The following TNIK variants were observed in gnomAD, a reference collection of about 807,000 sequenced individuals.
TNIK encodes TRAF2 and NCK-interacting protein kinase.
In TNIK, 49 loss-of-function variants were observed where a neutral mutation model predicts 191.3. The ratio of observed to expected loss-of-function variants is 0.26; its 90% CI spans 0.20 to 0.32. TNIK has a LOEUF of 0.32. Ranked by LOEUF, TNIK falls within the 10% of genes least tolerant of loss-of-function variation. TNIK has a pLI of 1.00. For synonymous variants in TNIK, 594 were observed against 600.9 expected (o/e 0.99, Z 0.17); for missense variants, 1,155 against 1,702.3 (o/e 0.68, Z 5.66).
At chr3:171,139,322 A>C (rs548294296) in intron 14 of TNIK, 148 bp downstream of exon 14, 2 of 669,344 alleles carry the variant, frequency 3.0e-6, no homozygotes, top group Non-Finnish European at 5.2e-6. Context: ...GAGGTCCCTG[A>C]GGCTTAGAAG....
intron 1 of TNIK, among the ~76,000 whole-genome samples, chr3:171,391,151 C>T (rs1719457523): frequency 6.6e-6 from 1 of 152,194 alleles, no homozygotes; most frequent in African/African-American, 2.4e-5. Context: ...ATTTATCTCA[C>T]ATAAATCACC....
chr3:171,452,516 G>A (rs1728286275), intron 1 of TNIK, among the ~76,000 whole-genome samples: 1 of 151,878 alleles, frequency 6.6e-6, no homozygotes, highest in Non-Finnish European at 1.5e-5. Flanking sequence ...TATGACGCTG[G>A]GCTCTAACTC....
intron 7 of TNIK, among the ~76,000 whole-genome samples, chr3:171,188,112 C>T (rs1737593976): frequency 6.6e-6 from 1 of 152,320 alleles, no homozygotes; most frequent in South Asian, 2.1e-4. Flanking sequence ...TTGAACACAG[C>T]TTTGAATGTA....
At chr3:171,396,627 A>G (rs1189665322) in intron 1 of TNIK, among the ~76,000 whole-genome samples, 1 of 152,156 alleles carries the variant, frequency 6.6e-6, no homozygotes, top group African/African-American at 2.4e-5. Flanking sequence ...CAGGCCCTCA[A>G]TGCCAGTGAA....
intron 2 of TNIK, among the ~76,000 whole-genome samples, chr3:171,325,764 C>G (rs1017945088): frequency 6.6e-6 from 1 of 152,202 alleles, no homozygotes; most frequent in Non-Finnish European, 1.5e-5. Context: ...GAGGACCACT[C>G]TGGAAAGGGT....
chr3:171,394,026 G>A (rs1224712736), intron 1 of TNIK, among the ~76,000 whole-genome samples: 1 of 152,134 alleles, frequency 6.6e-6, no homozygotes, highest in Non-Finnish European at 1.5e-5. Context: ...CACATGCCAT[G>A]GACGAAATGC....
rs189480673 is a variant in TNIK at position 171,398,102 on chromosome 3, C to T, written c.58-28417G>A. ...TTTATGTTGGCCAAAACACAATTTT[C>T]CCATTTACTGATTCTTTTCACACCA... On this transcript the variant is annotated intron_variant, in intron 1 of 32. Coordinates refer to ENST00000436636, the MANE Select transcript of TNIK (RefSeq NM_015028.4). 5.9e-5 allele frequency among the ~76,000 whole-genome samples: 9 copies of T among 152,316 alleles called. No individual in the cohort carries two copies. In the East Asian group the frequency reaches 7.7e-4, roughly 13 times the overall value.
In TNIK at chr3:171,071,311, C is replaced by T; in HGVS notation, c.3461G>A (p.Arg1154Lys). Residue 1154 changes from arginine to lysine, a missense_variant, in exon 29 of 33, where the codon AGG (arginine) becomes AAG (lysine). Arg to Lys is a conservative substitution (Grantham distance 26). This residue lies in a region of TNIK where 195 missense variants were observed against 415.4 expected (regional missense o/e 0.47). Coordinates refer to ENST00000436636, the MANE Select transcript of TNIK (RefSeq NM_015028.4). ...CIHYKVVKYE[R>K]IKFLVIALKN... ...TAAGGCAATCACCAAAAATTTGATC[C>T]TTTCATATTTAACTGTAATAGAAAA... 1.9e-6 allele frequency: 3 copies of T among 1,590,852 alleles called. No homozygotes were observed. Among genetic ancestry groups the T allele is most frequent in the Non-Finnish European group, 2.6e-6 (3 of 1,168,572 alleles).
At chr3:171,188,579 AAAT>A in intron 7 of TNIK, 120 bp downstream of exon 7, 1 of 1,281,298 alleles carries the variant, frequency 7.8e-7, no homozygotes, top group Admixed American at 2.7e-5. Flanking sequence ...TCTTAAACTC[AAAT>A]AATGTTTTTC....
intron 2 of TNIK, among the ~76,000 whole-genome samples, chr3:171,277,944 G>A (rs371987884): frequency 9.9e-5 from 15 of 152,270 alleles, no homozygotes; most frequent in Admixed American, 2.6e-4. Context: ...TGGCAGGATC[G>A]CTTGAGCCCA....
chr3:171,077,522 G>T (rs562034279), intron 28 of TNIK, among the ~76,000 whole-genome samples: 25 of 152,290 alleles, frequency 1.6e-4, no homozygotes, highest in Non-Finnish European at 2.9e-4. Flanking sequence ...GAGTCTTCCT[G>T]CTTGGTTGAG....
chr3:171,079,251 T>G (rs1720375091), intron 28 of TNIK, among the ~76,000 whole-genome samples: 1 of 152,254 alleles, frequency 6.6e-6, no homozygotes, highest in African/African-American at 2.4e-5. Context: ...ATGGCATTTT[T>G]ATTCTTTTCT....
At chr3:171,314,268 C>CTA (rs2108310522) in intron 2 of TNIK, among the ~76,000 whole-genome samples, 1 of 152,286 alleles carries the variant, frequency 6.6e-6, no homozygotes, top group Admixed American at 6.5e-5. Context: ...CCTTATCCCT[C>CTA]TATACTCAGA....
chr3:171,338,423 T>C (rs540805101), intron 2 of TNIK, among the ~76,000 whole-genome samples: 28 of 152,336 alleles, frequency 1.8e-4, no homozygotes, highest in African/African-American at 6.7e-4. Flanking sequence ...CATTAAACAT[T>C]ACTTTTATTA....
chr3:171,193,641 A>G (rs958921987), intron 5 of TNIK, among the ~76,000 whole-genome samples: 4 of 152,166 alleles, frequency 2.6e-5, no homozygotes, highest in African/African-American at 9.7e-5. Flanking sequence ...TATCCATTTC[A>G]TCCATCCACC....
In TNIK at chr3:171,460,000, T is replaced by C. The variant is rs1356021260; in HGVS notation, c.57+7A>G. On this transcript the variant is annotated splice_region_variant and intron_variant, in intron 1 of 32. Transcript: ENST00000436636. Reference sequence around the variant, plus strand: ...ACTGGAAAGAAACCAGAAAACGTCCTGCTCACCCTCAGAGCCGAGAGATCT... The same window carrying C: ...ACTGGAAAGAAACCAGAAAACGTCCCGCTCACCCTCAGAGCCGAGAGATCT... 1.3e-6 allele frequency: 2 copies of C among 1,580,486 alleles called. No homozygotes were observed. The highest frequency in any genetic ancestry group is 1.7e-6 in the Non-Finnish European group (2 of 1,159,362).
At chr3:171,152,158 G>A (rs973060618) in intron 12 of TNIK, among the ~76,000 whole-genome samples, 1 of 152,122 alleles carries the variant, frequency 6.6e-6, no homozygotes, top group South Asian at 2.1e-4. Context: ...GAGCATGCCT[G>A]TAATCCCAGC....
At chr3:171,459,963 C>T (rs1414453060) in intron 1 of TNIK, 44 bp downstream of exon 1, 1 of 1,586,324 alleles carries the variant, frequency 6.3e-7, no homozygotes, top group African/African-American at 1.3e-5. Flanking sequence ...CCCATTCACC[C>T]TAACCCAAAC....
chr3:171,410,811 C>T (rs1340795856), intron 1 of TNIK, among the ~76,000 whole-genome samples: 7 of 146,298 alleles, frequency 4.8e-5, no homozygotes, highest in African/African-American at 1.8e-4. Context: ...AAAGACTTTG[C>T]CTGGAAAATT....
Sources: gnomAD v4.1 joint callset for allele counts (sites outside exome capture counted in the v4.1 genomes callset) on GRCh38, gnomAD v4.1.1 for gene constraint, gnomAD v4.1.1 regional missense constraint, MANE v1.5 for transcripts, NCBI Gene and HGNC (gene_info 2026-07-23, HGNC 2026-07-21) for gene names.